COLQ: variants seen among roughly 807,000 people sequenced by gnomAD.
COLQ encodes collagen like tail subunit of asymmetric acetylcholinesterase, also known as acetylcholinesterase collagenic tail peptide.
COLQ carries 48 observed loss-of-function variants against 69.0 expected under a neutral mutation model. The ratio of observed to expected loss-of-function variants is 0.70; its 90% CI spans 0.55 to 0.88. The LOEUF is 0.88. COLQ is among the 40% of genes least tolerant of loss of function. The pLI is 0.00. For missense variants in COLQ, 618 were observed against 594.6 expected, an observed-to-expected ratio of 1.04 and a Z score of -0.41; for synonymous variants, 217 against 211.2, an observed-to-expected ratio of 1.03 and a Z score of -0.24.
At chr3:15,494,127 G>C (rs897292933) in intron 1 of COLQ, among the ~76,000 whole-genome samples, 36 of 152,144 alleles carry the variant, frequency 2.4e-4, no homozygotes, top group African/African-American at 8.2e-4. Context: ...GTTAATTTGG[G>C]GCTAGATTGT....
chr3:15,502,941 C>A (rs928608675), intron 1 of COLQ, among the ~76,000 whole-genome samples: 3 of 152,180 alleles, frequency 2.0e-5, no homozygotes, highest in African/African-American at 7.2e-5. Flanking sequence ...AACTGATTAT[C>A]CTCATTTTAC....
In COLQ at chr3:15,451,038, C is replaced by T. The variant is rs1193740269; in HGVS notation, c.*606G>A. ...TCTCAGTACTTTTTCACAGTTAAGTCTTTTCCTGGGCAGCCACATCCACGT... is the reference window on the plus strand; with the variant it reads ...TCTCAGTACTTTTTCACAGTTAAGTTTTTTCCTGGGCAGCCACATCCACGT... On this transcript the variant is annotated 3_prime_UTR_variant, in exon 17 of 17. Transcript: ENST00000383788. 1 of 155,236 alleles carries T rather than the reference C, an allele frequency of 6.4e-6. No individual in the cohort carries two copies. Among genetic ancestry groups the T allele is most frequent in the African/African-American group, 2.4e-5 (1 of 41,434 alleles). 9.6% of individuals were successfully genotyped at this position (155,236 alleles called of 1,614,324 possible).
At chr3:15,485,568 C>T (rs1171724320) in intron 3 of COLQ, among the ~76,000 whole-genome samples, 1 of 152,172 alleles carries the variant, frequency 6.6e-6, no homozygotes, top group African/African-American at 2.4e-5. Flanking sequence ...ACAACAGCTC[C>T]CCTCAGCCTG....
chr3:15,451,946 T>C (rs2125078029), intron 16 of COLQ, among the ~76,000 whole-genome samples: 1 of 152,302 alleles, frequency 6.6e-6, no homozygotes, highest in African/African-American at 2.4e-5. Context: ...GCACAGCATC[T>C]GTGAGGGAAT....
chr3:15,501,266 C>T (rs9883674), intron 1 of COLQ, among the ~76,000 whole-genome samples: 41,488 of 152,102 alleles, frequency 0.27, 6,336 homozygotes, highest in African/African-American at 0.42. Flanking sequence ...TTCTGGAATA[C>T]GACATCCCCG....
At chr3:15,470,483 G>T in intron 11 of COLQ, 53 bp downstream of exon 11, 1 of 1,521,686 alleles carries the variant, frequency 6.6e-7, no homozygotes, top group Middle Eastern at 2.3e-4. Flanking sequence ...TCCACACACT[G>T]CCAGGTCAGG....
In COLQ at chr3:15,458,228, G is replaced by A. The variant is rs886058099; in HGVS notation, c.912C>T (p.Tyr304=). 41 of 1,614,094 alleles carry A rather than the reference G, an allele frequency of 2.5e-5. No individual in the cohort carries two copies. The East Asian group carries it at 5.1e-4, about 20-fold the overall frequency. ...GPTMNVNNPS[Y]GESVYGPSSP... Reference sequence around the variant, plus strand: ...AACTGGGCCCATACACAGATTCCCCGTAGGAAGGGTTATTCACATTCATAG... The same window carrying A: ...AACTGGGCCCATACACAGATTCCCCATAGGAAGGGTTATTCACATTCATAG... The change falls in exon 13 of 17, where the codon TAC becomes TAT. Residue 304 remains tyrosine, a synonymous_variant. Transcript: ENST00000383788.
At chr3:15,501,370 T>C (rs1404004479) in intron 1 of COLQ, among the ~76,000 whole-genome samples, 1 of 152,172 alleles carries the variant, frequency 6.6e-6, no homozygotes, top group Non-Finnish European at 1.5e-5. Flanking sequence ...TGCATGCTGC[T>C]CCTGCTGTGT....
chr3:15,451,268 G>C lies in COLQ; in HGVS notation c.*376C>G. Reference sequence around the variant, plus strand: ...GCCTGTACTCCAGATTCCCCAAAGAGATCAAAACATTCTAAAACAGCCTGC... The same window carrying C: ...GCCTGTACTCCAGATTCCCCAAAGACATCAAAACATTCTAAAACAGCCTGC... On this transcript the variant is annotated 3_prime_UTR_variant, in exon 17 of 17. Coordinates refer to ENST00000383788, the MANE Select transcript of COLQ (RefSeq NM_005677.4). The C allele has an allele frequency of 2.9e-6, 1 of 339,322 alleles. No individual in the cohort carries two copies. The highest frequency in any genetic ancestry group is 6.8e-5 in the East Asian group (1 of 14,636). The allele number at this position is 339,322 out of a possible 1,614,324, so 21.0% of individuals were successfully genotyped here. A position where few individuals can be genotyped will look rare whatever the true frequency, so the allele number is the denominator to read the frequency against.
intron 3 of COLQ, among the ~76,000 whole-genome samples, chr3:15,486,108 G>T (rs1236196445): frequency 6.6e-6 from 1 of 152,160 alleles, no homozygotes; most frequent in Non-Finnish European, 1.5e-5. Context: ...TCTATTTTTG[G>T]ATAGGGAAGA....
chr3:15,457,154 G>A (rs1341131941), intron 13 of COLQ, among the ~76,000 whole-genome samples: 6 of 152,034 alleles, frequency 3.9e-5, no homozygotes, highest in Non-Finnish European at 7.4e-5. Flanking sequence ...TATTTAAAAC[G>A]TTCCCAAGAC....
intron 1 of COLQ, among the ~76,000 whole-genome samples, chr3:15,505,520 C>T (rs2062897804): frequency 6.6e-6 from 1 of 152,198 alleles, no homozygotes; most frequent in South Asian, 2.1e-4. Flanking sequence ...TCTAATTTGA[C>T]CAAATGGCAT....
intron 12 of COLQ, among the ~76,000 whole-genome samples, chr3:15,458,694 C>G (rs1290028302): frequency 2.0e-5 from 3 of 152,328 alleles, no homozygotes; most frequent in South Asian, 2.1e-4. Context: ...GAATCAAAGC[C>G]AGCTACTGCC....
intron 3 of COLQ, among the ~76,000 whole-genome samples, chr3:15,487,142 G>C (rs1330390465): frequency 6.6e-6 from 1 of 152,192 alleles, no homozygotes; most frequent in African/African-American, 2.4e-5. Context: ...TTGTGGCAGA[G>C]AGTGATTGTG....
At chr3:15,521,203 C>G (rs2125196752) in intron 1 of COLQ, among the ~76,000 whole-genome samples, 1 of 152,346 alleles carries the variant, frequency 6.6e-6, no homozygotes, top group East Asian at 1.9e-4. Flanking sequence ...TTGCACACCT[C>G]TGTCTCTTTT....
chr3:15,460,625 T>C (rs1441070585), intron 12 of COLQ, among the ~76,000 whole-genome samples: 2 of 151,996 alleles, frequency 1.3e-5, no homozygotes, highest in African/African-American at 4.8e-5. Context: ...CCTGAGCGAG[T>C]TGACAGGTAT....
At position 15,519,357 on chromosome 3, in the gene COLQ, C is replaced by T. The variant is rs991332954; in HGVS notation, c.106+2163G>A. On this transcript the variant is annotated intron_variant, in intron 1 of 16. Coordinates refer to ENST00000383788, the MANE Select transcript of COLQ (RefSeq NM_005677.4). ...TCAAGTTGGGTTGGCCAATGAGAGG[C>T]GCTGCCAAAAGGTGCTTGGATGGGA... Among the ~76,000 whole-genome samples, 5 of 152,188 alleles carry T rather than the reference C, an allele frequency of 3.3e-5. No homozygotes were observed. In the East Asian group the frequency reaches 5.8e-4, roughly 18 times the overall value.
rs2063138652 is a variant in COLQ, at chr3:15,521,582, A to G, written c.44T>C (p.Leu15Pro). Residue 15 changes from leucine (L) to proline (P), a missense_variant, in exon 1 of 17, where the codon CTT (leucine) becomes CCT (proline). By Grantham distance (98) the Leu-to-Pro change is moderately conservative. Transcript: ENST00000383788. ...NPMTLGIYLQLFFLSIVSQPT... is the reference protein window; with the variant it reads ...NPMTLGIYLQPFFLSIVSQPT... ...CTGAGACACGATAGAGAGGAAGAAA[A>G]GCTGAAGATAAATTCCCAAAGTCAT... is the stretch of plus-strand genomic sequence containing the variant. 6.2e-7 allele frequency: 1 copy of G among 1,614,212 alleles called. No homozygotes were observed. Among genetic ancestry groups the G allele is most frequent in the Admixed American group, 1.7e-5 (1 of 60,032 alleles).
chr3:15,519,778 G>A (rs554170330), intron 1 of COLQ, among the ~76,000 whole-genome samples: 1 of 152,276 alleles, frequency 6.6e-6, no homozygotes, highest in South Asian at 2.1e-4. Context: ...AAAACCAGAG[G>A]TTCTTTTCTC....
Sources: allele counts gnomAD v4.1 joint callset (sites outside exome capture counted in the v4.1 genomes callset), GRCh38; gene constraint gnomAD v4.1.1; transcripts MANE v1.5; gene names NCBI Gene and HGNC (gene_info 2026-07-23, HGNC 2026-07-21).